Variants in FAM107B observed in about 807,000 individuals in gnomAD.
The protein encoded by FAM107B is protein FAM107B.
FAM107B carries 21 observed loss-of-function variants against 31.5 expected under a neutral mutation model. The observed-to-expected ratio is 0.67, with a 90% CI of 0.47 to 0.96. The LOEUF is 0.96. FAM107B is among the 40% of genes least tolerant of loss of function. The pLI is 0.00. For missense variants in FAM107B, 452 were observed against 377.1 expected, an observed-to-expected ratio of 1.20 and a Z score of -1.64; for synonymous variants, 157 against 141.5, an observed-to-expected ratio of 1.11 and a Z score of -0.78.
chr10:14,572,681 C>T (rs1444432246), intron 2 of FAM107B, among the ~76,000 whole-genome samples: 1 of 142,190 alleles, frequency 7.0e-6, no homozygotes, highest in African/African-American at 2.7e-5. Context: ...TGTGAAGAGC[C>T]ACTGCATTTC....
chr10:14,634,213 G>A (rs1020237627), intron 2 of FAM107B, among the ~76,000 whole-genome samples: 3 of 152,000 alleles, frequency 2.0e-5, no homozygotes, highest in Admixed American at 6.5e-5. Flanking sequence ...TGGCTAACAC[G>A]GTGAAACCCC....
intron 2 of FAM107B, among the ~76,000 whole-genome samples, chr10:14,546,798 C>G (rs1222613350): frequency 6.6e-6 from 1 of 152,150 alleles, no homozygotes; most frequent in African/African-American, 2.4e-5. Flanking sequence ...AAAGTAAAGA[C>G]CAGTCTAATT....
At chr10:14,774,232 G>C in intron 1 of FAM107B, 21 bp downstream of exon 1, 1 of 1,584,472 alleles carries the variant, frequency 6.3e-7, no homozygotes, top group Non-Finnish European at 8.6e-7. Flanking sequence ...GTCTATAATC[G>C]CAGAGCGAAC....
intron 1 of FAM107B, among the ~76,000 whole-genome samples, chr10:14,766,036 A>T (rs1411049177): frequency 1.3e-5 from 2 of 152,216 alleles, no homozygotes; most frequent in East Asian, 3.9e-4. Context: ...TGGTACCCCC[A>T]AGTCTTGGCT....
At chr10:14,607,618 T>C (rs912295976) in intron 2 of FAM107B, among the ~76,000 whole-genome samples, 3 of 152,210 alleles carry the variant, frequency 2.0e-5, no homozygotes, top group Non-Finnish European at 4.4e-5. Flanking sequence ...TGATATACTG[T>C]AGATTTCACA....
intron 2 of FAM107B, among the ~76,000 whole-genome samples, chr10:14,658,077 G>A (rs1854116577): frequency 6.6e-6 from 1 of 152,166 alleles, no homozygotes; most frequent in African/African-American, 2.4e-5. Context: ...CCCCCAAAGT[G>A]CTGGGATTAC....
intron 1 of FAM107B, among the ~76,000 whole-genome samples, chr10:14,702,639 T>C (rs1189638538): frequency 6.6e-6 from 1 of 152,230 alleles, no homozygotes; most frequent in Non-Finnish European, 1.5e-5. Flanking sequence ...CATGAGCTGC[T>C]GCACCTGGCC....
intron 1 of FAM107B, among the ~76,000 whole-genome samples, chr10:14,681,261 T>A (rs574620142): frequency 6.6e-6 from 1 of 152,334 alleles, no homozygotes; most frequent in African/African-American, 2.4e-5. Context: ...GTGTTAGTTC[T>A]CCAGGTGACA....
chr10:14,693,410 G>A (rs1235612510), intron 1 of FAM107B, among the ~76,000 whole-genome samples: 11 of 151,872 alleles, frequency 7.2e-5, no homozygotes, highest in South Asian at 2.1e-4. Flanking sequence ...CCCAGGAGAC[G>A]GAGGTTGCAG....
At chr10:14,699,173 A>G (rs1439884311) in intron 1 of FAM107B, among the ~76,000 whole-genome samples, 1 of 152,226 alleles carries the variant, frequency 6.6e-6, no homozygotes, top group Non-Finnish European at 1.5e-5. Flanking sequence ...GAACAGGGAG[A>G]AACAGTATGG....
At chr10:14,763,368 T>C (rs1462727866) in intron 1 of FAM107B, among the ~76,000 whole-genome samples, 1 of 152,214 alleles carries the variant, frequency 6.6e-6, no homozygotes, top group Non-Finnish European at 1.5e-5. Context: ...ATGTTTGTAC[T>C]TGTGGCAGAA....
chr10:14,574,659 G>A (rs79671678), intron 2 of FAM107B, among the ~76,000 whole-genome samples: 1,988 of 152,298 alleles, frequency 0.013, 22 homozygotes, highest in Non-Finnish European at 0.018. Flanking sequence ...CAGATTATTA[G>A]TACATTTCAG....
intron 3 of FAM107B, 91 bp downstream of exon 3, chr10:14,530,241 T>C: frequency 7.6e-7 from 1 of 1,316,268 alleles, no homozygotes; most frequent in Non-Finnish European, 1.0e-6. Context: ...AATCAAAGAC[T>C]CTTTGAAGCC....
chr10:14,622,955 A>C (rs922507421), intron 2 of FAM107B, among the ~76,000 whole-genome samples: 2 of 152,184 alleles, frequency 1.3e-5, no homozygotes, highest in Non-Finnish European at 1.5e-5. Context: ...GCCTCTTCAA[A>C]GGGGAACAGG....
intron 2 of FAM107B, among the ~76,000 whole-genome samples, chr10:14,639,665 T>C (rs188406153): frequency 6.6e-6 from 1 of 152,244 alleles, no homozygotes; most frequent in East Asian, 1.9e-4. Context: ...GCTTCCTGGT[T>C]ATGGTATTGT....
At chr10:14,547,796 T>C (rs555605890) in intron 2 of FAM107B, among the ~76,000 whole-genome samples, 10 of 152,364 alleles carry the variant, frequency 6.6e-5, no homozygotes, top group Admixed American at 3.3e-4. Context: ...GATGTGTTTT[T>C]TCTGTAGGCT....
At chr10:14,645,705 A>G (rs1853735129) in intron 2 of FAM107B, among the ~76,000 whole-genome samples, 1 of 152,234 alleles carries the variant, frequency 6.6e-6, no homozygotes, top group South Asian at 2.1e-4. Flanking sequence ...TGAGACAAAC[A>G]GCGGCAATTC....
intron 1 of FAM107B, among the ~76,000 whole-genome samples, chr10:14,718,408 AAG>A (rs1372463155): frequency 8.1e-5 from 12 of 148,372 alleles, no homozygotes; most frequent in Non-Finnish European, 1.6e-4. Flanking sequence ...GGAAGAAAGA[AAG>A]AGGAAAGAAA....
At chr10:14,738,947 A>T (rs1044292891) in intron 1 of FAM107B, among the ~76,000 whole-genome samples, 1 of 151,852 alleles carries the variant, frequency 6.6e-6, no homozygotes, top group African/African-American at 2.4e-5. Context: ...GGGCTGTCTG[A>T]CTCTCATGCA....
Sources: allele counts gnomAD v4.1 joint callset (sites outside exome capture counted in the v4.1 genomes callset), GRCh38; gene constraint gnomAD v4.1.1; transcripts MANE v1.5; gene names NCBI Gene and HGNC (gene_info 2026-07-23, HGNC 2026-07-21).